Variants in TRAF2 observed in about 807,000 individuals in gnomAD.
The protein encoded by TRAF2 is TNF receptor associated factor 2, also known as TNF receptor-associated factor 2.
TRAF2 carries 6 observed loss-of-function variants against 55.6 expected under a neutral mutation model. The ratio of observed to expected loss-of-function variants is 0.11; its 90% CI spans 0.06 to 0.21. TRAF2 has a LOEUF of 0.21. TRAF2 is among the 10% of genes least tolerant of loss of function. TRAF2 has a pLI of 1.00. For missense variants in TRAF2, 561 were observed against 684.5 expected, an observed-to-expected ratio of 0.82 and a Z score of 2.01; for synonymous variants, 329 against 276.3, an observed-to-expected ratio of 1.19 and a Z score of -1.89.
At chr9:136,886,371 C>G (rs1849446980), upstream of TRAF2, 1 of 983,950 alleles carries the variant, frequency 1.0e-6, no homozygotes, top group South Asian at 4.5e-5. Flanking sequence ...GTCAGGCGCG[C>G]TCGGAGCGGG....
chr9:136,898,782 G>C lies in TRAF2; in HGVS notation c.42G>C (p.Leu14Phe). The change falls in exon 2 of 11, where the codon TTG becomes TTC. Residue 14 changes from leucine to phenylalanine, a missense_variant. Leu to Phe is a conservative substitution (Grantham distance 22, BLOSUM62 0). Transcript: ENST00000247668. ...ASVTPPGSLE[L>F]LQPGFSKTLL... ...TGACCCCCCCTGGCTCCCTGGAGTTGCTACAGCCCGGCTTCTCCAAGACCC... is the reference window on the plus strand; with the variant it reads ...TGACCCCCCCTGGCTCCCTGGAGTTCCTACAGCCCGGCTTCTCCAAGACCC... 6.2e-7 allele frequency: 1 copy of C among 1,613,716 alleles called. No individual in the cohort carries two copies. The highest frequency in any genetic ancestry group is 1.1e-5 in the South Asian group (1 of 91,084).
chr9:136,900,320 A>G, intron 3 of TRAF2, 102 bp from the exon 4 acceptor site: 2 of 712,830 alleles, frequency 2.8e-6, no homozygotes, highest in Non-Finnish European at 4.6e-6. Flanking sequence ...TGGAAAGGCG[A>G]TGTGACGCAG....
chr9:136,904,138 A>G (rs1216395684), intron 4 of TRAF2, among the ~76,000 whole-genome samples: 1 of 151,936 alleles, frequency 6.6e-6, no homozygotes, highest in East Asian at 1.9e-4. Flanking sequence ...CCCCACACAC[A>G]TTTTTTTCTT....
rs1465686232 is a variant in TRAF2 at position 136,920,503 on chromosome 9, C to T, written c.948C>T (p.Ala316=). 2 of 1,610,576 alleles carry T rather than the reference C, an allele frequency of 1.2e-6. No homozygotes were observed. The highest frequency in any genetic ancestry group is 1.7e-6 in the Non-Finnish European group (2 of 1,177,972). The part of the protein sequence containing the change: ...QHRLDQDKIE[A]LSSKVQQLER... ...GGCTGGACCAAGACAAGATTGAAGC[C>T]CTGAGTAGCAAGGTTTGTGCCTGCC... is the stretch of plus-strand genomic sequence containing the variant. The change falls in exon 8 of 11, where the codon GCC becomes GCT. Residue 316 remains alanine (A), a synonymous_variant. Coordinates refer to ENST00000247668, the MANE Select transcript of TRAF2 (RefSeq NM_021138.4).
At chr9:136,899,199 C>T (rs914250437) in intron 2 of TRAF2, among the ~76,000 whole-genome samples, 1 of 152,232 alleles carries the variant, frequency 6.6e-6, no homozygotes, top group South Asian at 2.1e-4. Flanking sequence ...AATGTGAGTA[C>T]TGGAAAGTTT....
chr9:136,902,429 C>T (rs1404742303), intron 4 of TRAF2: 1 of 152,326 alleles, frequency 6.6e-6, no homozygotes, highest in Non-Finnish European at 1.5e-5. Flanking sequence ...TGCACTGGAC[C>T]CTGAGTCCTC....
At chr9:136,895,100 G>A (rs927693552) in intron 1 of TRAF2, among the ~76,000 whole-genome samples, 5 of 152,198 alleles carry the variant, frequency 3.3e-5, no homozygotes, top group African/African-American at 1.2e-4. Flanking sequence ...AGAGGTGAGA[G>A]GAGAAGGGCC....
intron 4 of TRAF2, among the ~76,000 whole-genome samples, chr9:136,903,316 A>G (rs1236236471): frequency 6.6e-6 from 1 of 152,164 alleles, no homozygotes; most frequent in African/African-American, 2.4e-5. Flanking sequence ...CAATAGCAGA[A>G]CTGAATTCCC....
At chr9:136,925,077 A>G (rs903526077) in intron 10 of TRAF2, among the ~76,000 whole-genome samples, 5 of 152,232 alleles carry the variant, frequency 3.3e-5, no homozygotes, top group African/African-American at 1.2e-4. Context: ...GGAATTGAAG[A>G]TGCAGAGACT....
At chr9:136,910,262 A>G (rs1024435426) in intron 6 of TRAF2, among the ~76,000 whole-genome samples, 2 of 152,192 alleles carry the variant, frequency 1.3e-5, no homozygotes, top group Admixed American at 1.3e-4. Context: ...CTTCCTAGTT[A>G]TCCTGAAAAT....
intron 2 of TRAF2, among the ~76,000 whole-genome samples, chr9:136,899,324 G>A (rs1436756373): frequency 2.6e-5 from 4 of 152,230 alleles, no homozygotes; most frequent in Admixed American, 2.0e-4. Context: ...AGCTCGGCCT[G>A]TCGGGAGAGC....
intron 10 of TRAF2, 36 bp from the exon 11 acceptor site, chr9:136,925,647 A>G: frequency 6.2e-7 from 1 of 1,605,544 alleles, no homozygotes; most frequent in Non-Finnish European, 8.5e-7. Context: ...GACGGCCCAC[A>G]GACCTGTGTC....
intron 1 of TRAF2, among the ~76,000 whole-genome samples, chr9:136,896,230 A>G (rs1849676888): frequency 6.6e-6 from 1 of 152,166 alleles, no homozygotes; most frequent in African/African-American, 2.4e-5. Context: ...GACAGAGCAT[A>G]CTTAGAGCTA....
intron 1 of TRAF2, among the ~76,000 whole-genome samples, chr9:136,888,124 G>A (rs913776595): frequency 6.6e-6 from 1 of 152,152 alleles, no homozygotes; most frequent in Admixed American, 6.6e-5. Flanking sequence ...ACCCGCCTCG[G>A]CCTCCCAAAG....
At chr9:136,887,228 C>T (rs1423149962) in intron 1 of TRAF2, among the ~76,000 whole-genome samples, 1 of 152,226 alleles carries the variant, frequency 6.6e-6, no homozygotes. Flanking sequence ...GGGCCTGGTC[C>T]TGGCAGTAGC....
rs759001759 is a variant in TRAF2, at chr9:136,926,109, TG to T, written c.*210del. 1.3e-6 allele frequency: 1 copy of T among 761,206 alleles called. No individual in the cohort carries two copies. Among genetic ancestry groups the T allele is most frequent in the Non-Finnish European group, 2.4e-6 (1 of 425,366 alleles). The allele number at this position is 761,206 out of a possible 1,614,324, so 47.2% of individuals were successfully genotyped here. On this transcript the variant is annotated 3_prime_UTR_variant, in exon 11 of 11. Coordinates refer to ENST00000247668, the MANE Select transcript of TRAF2 (RefSeq NM_021138.4). Reference sequence around the variant, plus strand: ...AGATTTCAGAGACTGCGGAGGGGCTTGGCAGACGGTCTTAGCCAAGGGCTGT... The same window carrying T: ...AGATTTCAGAGACTGCGGAGGGGCTTGCAGACGGTCTTAGCCAAGGGCTGT...
rs375436868 is a variant in TRAF2 at position 136,898,708 on chromosome 9, C to T, written c.-28-5C>T. ...AGGTGTAACGTGCTGTGTGTTCTTC[C>T]TTAGGGCTTTGTTCGCGGGGGTCAC... On this transcript the variant is annotated splice_region_variant and splice_polypyrimidine_tract_variant and intron_variant, in intron 1 of 10. Coordinates refer to ENST00000247668, the MANE Select transcript of TRAF2 (RefSeq NM_021138.4). 1.7e-5 allele frequency: 27 copies of T among 1,612,170 alleles called. No homozygotes were observed. In the African/African-American group the frequency reaches 3.3e-4, roughly 20 times the overall value.
chr9:136,919,042 A>ATATATATTTATTTATT lies in TRAF2; in HGVS notation c.679-1189_679-1188insATATTTATTTATTTAT, dbSNP rs149167081. On this transcript the variant is annotated intron_variant, in intron 7 of 10. Transcript: ENST00000247668. ...GAGCCACTGCACCTGGCCTATTTTAATATTTATTTATTTATTTATTTATTT... is the reference window on the plus strand; with the variant it reads ...GAGCCACTGCACCTGGCCTATTTTAATATATATTTATTTATTTATTTATTTATTTATTTATTTATTT... Among the ~76,000 whole-genome samples, 698 of 138,370 alleles carry ATATATATTTATTTATT rather than the reference A, an allele frequency of 5.0e-3. 10 individuals are homozygous for ATATATATTTATTTATT. The highest frequency in any genetic ancestry group is 0.018 in the African/African-American group (664 of 36,580). The allele number at this position is 138,370 out of a possible 152,430, so 90.8% of individuals were successfully genotyped here. A position where few individuals can be genotyped will look rare whatever the true frequency, so the allele number is the denominator to read the frequency against.
rs1169085242 is a variant in TRAF2 at position 136,899,548 on chromosome 9, CATT to C, written c.189-44_189-42del. 3.2e-6 allele frequency: 5 copies of C among 1,563,224 alleles called. No individual in the cohort carries two copies. In the Admixed American group the frequency reaches 9.1e-5, roughly 28 times the overall value. ...TGAAGCAAATGGTGTTTGTTTTTTG[CATT>C]AGGTTTCACAGTGGGTTGTTTTTTG... On this transcript the variant is annotated intron_variant, in intron 2 of 10. Coordinates refer to ENST00000247668, the MANE Select transcript of TRAF2 (RefSeq NM_021138.4).
Sources: gnomAD v4.1 joint callset for allele counts (sites outside exome capture counted in the v4.1 genomes callset) on GRCh38, gnomAD v4.1.1 for gene constraint, MANE v1.5 for transcripts, NCBI Gene and HGNC (gene_info 2026-07-23, HGNC 2026-07-21) for gene names.